MYH9: variants seen among roughly 807,000 people sequenced by gnomAD.
MYH9 encodes the protein myosin-9.
MYH9 carries 29 observed loss-of-function variants against 241.9 expected under a neutral mutation model. The observed-to-expected ratio is 0.12, with a 90% CI of 0.09 to 0.16. The LOEUF is 0.16. Ranked by LOEUF, MYH9 falls within the 10% of genes least tolerant of loss-of-function variation. The pLI, the probability that MYH9 is intolerant of heterozygous loss-of-function variation, is 1.00. For missense variants in MYH9, 1,803 were observed against 2,595.5 expected (o/e 0.69, Z 6.63); for synonymous variants, 1,047 against 1,062.6 (o/e 0.99, Z 0.29).
In MYH9 at chr22:36,379,249, T is replaced by C. The variant is rs984265227; in HGVS notation, c.-20+8558A>G. Among the ~76,000 whole-genome samples, 3 of 152,220 alleles carry C rather than the reference T, an allele frequency of 2.0e-5. No homozygotes were observed. In the East Asian group the frequency reaches 5.8e-4, roughly 29 times the overall value. On this transcript the variant is annotated intron_variant, in intron 1 of 40. Transcript: ENST00000216181. Reference sequence around the variant, plus strand: ...GAGGCCAGGCGTGGTGGCTCACGCCTGTAATCCCAGCACTTCGGGAGGCCG... The same window carrying C: ...GAGGCCAGGCGTGGTGGCTCACGCCCGTAATCCCAGCACTTCGGGAGGCCG...
intron 2 of MYH9, among the ~76,000 whole-genome samples, chr22:36,348,171 T>TA (rs1422671129): frequency 6.7e-6 from 1 of 149,606 alleles, no homozygotes; most frequent in Non-Finnish European, 1.5e-5. Context: ...AATAAAATGT[T>TA]AAAAAAGAAG....
rs1032974132 is a variant in MYH9, at chr22:36,377,772, C to T, written c.-20+10035G>A. On this transcript the variant is annotated intron_variant, in intron 1 of 40. Transcript: ENST00000216181. ...AAAATACAAAAAAATTAGCCGGGCA[C>T]GGTGGCGGGCACCTTGTAGTCTCAG... 2.4e-4 allele frequency among the ~76,000 whole-genome samples: 36 copies of T among 151,926 alleles called. 2 individuals are homozygous for T.
intron 15 of MYH9, among the ~76,000 whole-genome samples, chr22:36,308,394 A>C (rs910605682): frequency 1.2e-4 from 18 of 150,476 alleles, no homozygotes; most frequent in African/African-American, 4.4e-4. Flanking sequence ...CCTCCTGAGC[A>C]GCTGGGACTA....
chr22:36,300,929 T>C lies in MYH9; in HGVS notation c.2760A>G (p.Leu920=), dbSNP rs1423877273. The stretch of plus-strand genomic sequence containing the variant: ...CCTCCTCCTCCTCCACCCTGGCCTC[T>C]AGGTCATGGCAGATCTCTTCTAATT... ...KQELEEICHD[L]EARVEEEEER... Residue 920 remains leucine, a synonymous_variant, in exon 22 of 41, where the codon CTA becomes CTG. Transcript: ENST00000216181. This position sits in a 1 kb window ranked among gnomAD's most constrained non-coding sequence, Gnocchi z 5.0. 1.2e-6 allele frequency: 2 copies of C among 1,609,592 alleles called. No homozygotes were observed. The highest frequency in any genetic ancestry group is 1.3e-5 in the African/African-American group (1 of 74,908).
chr22:36,387,569 C>T (rs1025428277), intron 1 of MYH9, among the ~76,000 whole-genome samples: 17 of 151,850 alleles, frequency 1.1e-4, no homozygotes, highest in African/African-American at 3.9e-4. Flanking sequence ...CCGAGGCCGC[C>T]CCTGCACCCC....
At chr22:36,352,550 G>A (rs1374343688) in intron 1 of MYH9, among the ~76,000 whole-genome samples, 2 of 152,226 alleles carry the variant, frequency 1.3e-5, no homozygotes, top group Non-Finnish European at 2.9e-5. Context: ...CCGCTCTGGA[G>A]GGTCACAAAC....
intron 31 of MYH9, among the ~76,000 whole-genome samples, chr22:36,290,016 G>A (rs1043226352): frequency 1.3e-5 from 2 of 152,156 alleles, no homozygotes; most frequent in African/African-American, 4.8e-5. Flanking sequence ...GGCTACCACA[G>A]TTGGCTGCCC....
Position 36,293,266 on chromosome 22 carries a change from G to A in MYH9, c.4095+63C>T. On this transcript the variant is annotated intron_variant, in intron 30 of 40. Transcript: ENST00000216181. The surrounding 1 kb of genome is among the most constrained non-coding windows in gnomAD (Gnocchi z 5.1). ...GGCAGGGCTGTCCTGCAGTGCCCAG[G>A]CCAGTGCCCGGCCAGCAGCTCCCCA... 1 of 1,607,420 alleles carries A rather than the reference G, an allele frequency of 6.2e-7. No homozygotes were observed.
chr22:36,315,925 C>G (rs1421017354), intron 12 of MYH9, among the ~76,000 whole-genome samples: 1 of 151,764 alleles, frequency 6.6e-6, no homozygotes, highest in African/African-American at 2.4e-5. Flanking sequence ...ATAGTTCCAG[C>G]TACTAAGGGG....
chr22:36,384,645 TATATATAC>T (rs1309991496), intron 1 of MYH9, among the ~76,000 whole-genome samples: 1 of 91,452 alleles, frequency 1.1e-5, no homozygotes, highest in Admixed American at 1.5e-4. Context: ...TATATATATA[TATATATAC>T]AGCCACTACA....
At chr22:36,369,349 C>T (rs910747732) in intron 1 of MYH9, among the ~76,000 whole-genome samples, 12 of 152,194 alleles carry the variant, frequency 7.9e-5, no homozygotes, top group African/African-American at 2.4e-4. Flanking sequence ...CATGATGAGG[C>T]GTTTTTCATG....
Position 36,321,766 on chromosome 22 carries a change from A to G in MYH9, c.761T>C (p.Ile254Thr), listed in dbSNP as rs1173355919. Residue 254 changes from isoleucine to threonine, a missense_variant, in exon 7 of 41, where the codon ATT becomes ACT. Coordinates refer to ENST00000216181, the MANE Select transcript of MYH9 (RefSeq NM_002473.6). Reference sequence around the variant, plus strand: ...ACGAACCACAAGGATACAAGTCTCAATGTTGGCTCCAACAATGTAGCCATT... The same window carrying G: ...ACGAACCACAAGGATACAAGTCTCAGTGTTGGCTCCAACAATGTAGCCATT... ...DVNGYIVGAN[I>T]ETYLLEKSRA... The G allele has an allele frequency of 1.2e-6, 2 of 1,614,020 alleles. No homozygotes were observed. The highest frequency in any genetic ancestry group is 1.7e-6 in the Non-Finnish European group (2 of 1,179,868).
intron 5 of MYH9, among the ~76,000 whole-genome samples, chr22:36,323,045 G>A (rs1299203775): frequency 2.0e-5 from 3 of 152,188 alleles, no homozygotes; most frequent in Non-Finnish European, 4.4e-5. Flanking sequence ...CTCCACTGCC[G>A]CGTCCAAAAC....
intron 1 of MYH9, among the ~76,000 whole-genome samples, chr22:36,360,158 ATT>A (rs911837868): frequency 1.3e-5 from 2 of 149,318 alleles, no homozygotes; most frequent in Non-Finnish European, 3.0e-5. Context: ...CTATCTTGTG[ATT>A]CTGAGCTATT....
chr22:36,296,023 C>T (rs1603482960), intron 25 of MYH9, among the ~76,000 whole-genome samples: 2 of 152,314 alleles, frequency 1.3e-5, no homozygotes, highest in South Asian at 2.1e-4. Flanking sequence ...AAACGCTACA[C>T]CACAGGACAA....
chr22:36,301,490 C>A (rs1221809798), intron 21 of MYH9, 44 bp downstream of exon 21: 1 of 1,609,966 alleles, frequency 6.2e-7, no homozygotes, highest in Admixed American at 1.7e-5. Context: ...GTGGCAGCAC[C>A]AGGCAGGTCG....
rs1312836810 is a variant in MYH9 at position 36,295,961 on chromosome 22, TC to T, written c.3273-245del. 6.6e-6 allele frequency among the ~76,000 whole-genome samples: 1 copy of T among 152,170 alleles called. No homozygotes were observed. The highest frequency in any genetic ancestry group is 6.6e-5 in the Admixed American group (1 of 15,266). On this transcript the variant is annotated intron_variant, in intron 25 of 40. Coordinates refer to ENST00000216181, the MANE Select transcript of MYH9 (RefSeq NM_002473.6). This position sits in a 1 kb window ranked among gnomAD's most constrained non-coding sequence, Gnocchi z 4.1. ...AATTTCCAAAGTAAGATTCACTGCT[TC>T]AAATATTTTTAAAAGTCAAATGATG...
chr22:36,287,394 C>T (rs908592504), intron 34 of MYH9, among the ~76,000 whole-genome samples: 1 of 152,170 alleles, frequency 6.6e-6, no homozygotes, highest in African/African-American at 2.4e-5. Context: ...TCTATGCCCA[C>T]AACCTTGACC....
At chr22:36,289,627 G>T (rs998636340) in intron 31 of MYH9, among the ~76,000 whole-genome samples, 1 of 152,200 alleles carries the variant, frequency 6.6e-6, no homozygotes, top group Non-Finnish European at 1.5e-5. Flanking sequence ...TGGTTCTCCT[G>T]AACCACAGCT....
Sources: allele counts gnomAD v4.1 joint callset (sites outside exome capture counted in the v4.1 genomes callset), GRCh38; gene constraint gnomAD v4.1.1; non-coding constraint Gnocchi (gnomAD v3.1); transcripts MANE v1.5; gene names NCBI Gene and HGNC (gene_info 2026-07-23, HGNC 2026-07-21).